The following CYP4F11 variants were observed in gnomAD, a reference collection of about 807,000 sequenced individuals.
CYP4F11 encodes the protein cytochrome P450 family 4 subfamily F member 11.
In CYP4F11, 79 loss-of-function variants were observed where a neutral mutation model predicts 62.2. The observed-to-expected ratio is 1.27, with a 90% CI of 1.06 to 1.53. The LOEUF is 1.53. Ranked by LOEUF, CYP4F11 falls within the 40% of genes most tolerant of loss-of-function variation. The pLI is 0.00. For missense variants in CYP4F11, 777 were observed against 680.5 expected, an observed-to-expected ratio of 1.14 and a Z score of -1.58; for synonymous variants, 290 against 263.7, an observed-to-expected ratio of 1.10 and a Z score of -0.97.
At chr19:15,924,226 T>A (rs1031452144) in intron 5 of CYP4F11, 144 bp from the exon 6 acceptor site, 3 of 1,060,022 alleles carry the variant, frequency 2.8e-6, no homozygotes, top group Non-Finnish European at 4.0e-6. Flanking sequence ...CTCTGAGGCA[T>A]TCCATCTCTG....
At chr19:15,923,719 C>T (rs1362902339) in intron 6 of CYP4F11, 93 bp downstream of exon 6, 1 of 1,497,212 alleles carries the variant, frequency 6.7e-7, no homozygotes, top group African/African-American at 1.4e-5. Context: ...TCCATGGCTC[C>T]CAGTGCCCTT....
intron 6 of CYP4F11, 148 bp from the exon 7 acceptor site, chr19:15,922,578 C>A: frequency 1.3e-6 from 1 of 780,632 alleles, no homozygotes; most frequent in African/African-American, 1.7e-5. Flanking sequence ...TGGTCACCAC[C>A]ATCAGAGCCC....
intron 4 of CYP4F11, 110 bp downstream of exon 4, chr19:15,927,102 C>A: frequency 7.7e-7 from 1 of 1,291,828 alleles, no homozygotes; most frequent in South Asian, 1.5e-5. Context: ...AACCAAGGCT[C>A]AGAGAGGAAG....
chr19:15,918,915 T>G (rs2089601583), intron 8 of CYP4F11, among the ~76,000 whole-genome samples: 1 of 142,080 alleles, frequency 7.0e-6, no homozygotes, highest in Admixed American at 7.2e-5. Flanking sequence ...AAATAAAATA[T>G]GGAATGTTAT....
rs1568257575 is a variant in CYP4F11 at position 15,931,633 on chromosome 19, TGAGTGAGCGAGGAGAGGAATGAGTGAGC to T, written c.199-2060_199-2033del. ...AGGAATGAGTGAGCGAGGAGAGGAA[TGAGTGAGCGAGGAGAGGAATGAGTGAGC>T]GAGGAGAGGAATGAGTGAGCGAGGA... is the stretch of plus-strand genomic sequence containing the variant. On this transcript the variant is annotated intron_variant, in intron 1 of 11. Coordinates refer to ENST00000402119, the MANE Select transcript of CYP4F11 (RefSeq NM_021187.4). 3.5e-4 allele frequency among the ~76,000 whole-genome samples: 21 copies of T among 60,394 alleles called. 2 individuals are homozygous for T. The highest frequency in any genetic ancestry group is 2.1e-3 in the East Asian group (4 of 1,868). 39.6% of individuals were successfully genotyped at this position (60,394 alleles called of 152,430 possible).
intron 1 of CYP4F11, among the ~76,000 whole-genome samples, chr19:15,930,911 C>A (rs2089709174): frequency 6.6e-6 from 1 of 152,210 alleles, no homozygotes; most frequent in Admixed American, 6.5e-5. Flanking sequence ...GTAAGCACCT[C>A]CTGCAGGCCA....
At position 15,929,373 on chromosome 19, in the gene CYP4F11, G is replaced by A. The variant is rs560592312; in HGVS notation, c.343+84C>T. On this transcript the variant is annotated intron_variant, in intron 2 of 11. Coordinates refer to ENST00000402119, the MANE Select transcript of CYP4F11 (RefSeq NM_021187.4). ...GAAGAGGGGCCTGGGCCCTGCAGGG[G>A]CCACACAGAAGCTTGGGGAGGGGAG... 1.9e-6 allele frequency: 3 copies of A among 1,573,362 alleles called. No homozygotes were observed. In the African/African-American group the frequency reaches 4.1e-5, roughly 21 times the overall value.
chr19:15,934,159 C>G, intron 1 of CYP4F11, 52 bp downstream of exon 1: 2 of 1,597,432 alleles, frequency 1.3e-6, no homozygotes, highest in Admixed American at 1.7e-5. Context: ...TCCTGCCCCT[C>G]AGGAACTCCA....
intron 1 of CYP4F11, 29 bp downstream of exon 1, chr19:15,934,182 C>T: frequency 1.9e-6 from 3 of 1,611,908 alleles, no homozygotes; most frequent in East Asian, 4.5e-5. Context: ...CATCCTGAGA[C>T]CCCAGACCCG....
chr19:15,917,081 A>G (rs2089589031), intron 8 of CYP4F11, among the ~76,000 whole-genome samples: 1 of 152,214 alleles, frequency 6.6e-6, no homozygotes, highest in Admixed American at 6.5e-5. Context: ...ACCATAGAAT[A>G]CTACTCAGCC....
At chr19:15,918,458 T>A (rs746357354) in intron 8 of CYP4F11, among the ~76,000 whole-genome samples, 1 of 152,130 alleles carries the variant, frequency 6.6e-6, no homozygotes, top group Non-Finnish European at 1.5e-5. Flanking sequence ...ATAATAATAA[T>A]AATGTAATAC....
chr19:15,933,905 C>CAGAGGAATGAGTGAGCGGGG (rs1171107833), intron 1 of CYP4F11, among the ~76,000 whole-genome samples: 1,112 of 10,782 alleles, frequency 0.1, 470 homozygotes, highest in East Asian at 0.26. Flanking sequence ...AGTGAGTGGG[C>CAGAGGAATGAGTGAGCGGGG]AGAGGAATGA....
intron 4 of CYP4F11, among the ~76,000 whole-genome samples, chr19:15,926,443 T>C (rs10854152): frequency 0.39 from 59,085 of 151,916 alleles, 12,682 homozygotes; most frequent in Non-Finnish European, 0.48. Context: ...CCTAAGCACT[T>C]CACAAAATCC....
At chr19:15,927,591 A>T (rs946405659) in intron 2 of CYP4F11, 108 bp from the exon 3 acceptor site, 2 of 1,459,414 alleles carry the variant, frequency 1.4e-6, no homozygotes, top group African/African-American at 2.8e-5. Context: ...CATCCCACCC[A>T]GCATAGCAGG....
intron 1 of CYP4F11, among the ~76,000 whole-genome samples, chr19:15,933,845 G>GAGAGGAATGAGTGAGTGAGC (rs2089750563): frequency 2.8e-5 from 1 of 35,214 alleles, no homozygotes; most frequent in Non-Finnish European, 6.0e-5. Flanking sequence ...AGTGAGTGAG[G>GAGAGGAATGAGTGAGTGAGC]AGAGGAATGA....
chr19:15,927,150 G>A lies in CYP4F11; in HGVS notation c.525+62C>T. On this transcript the variant is annotated intron_variant, in intron 4 of 11. Coordinates refer to ENST00000402119, the MANE Select transcript of CYP4F11 (RefSeq NM_021187.4). ...AAAGCACAACCAAAATTCCAGAGCAGATATGCCTGTGGTCCCTCTACCCCA... is the reference window on the plus strand; with the variant it reads ...AAAGCACAACCAAAATTCCAGAGCAAATATGCCTGTGGTCCCTCTACCCCA... 1.9e-6 allele frequency: 3 copies of A among 1,576,848 alleles called. 1 individual carries two copies. The South Asian group carries it at 3.5e-5, about 18-fold the overall frequency.
chr19:15,918,264 C>A (rs977826198), intron 8 of CYP4F11, among the ~76,000 whole-genome samples: 27 of 151,986 alleles, frequency 1.8e-4, no homozygotes, highest in Non-Finnish European at 3.4e-4. Context: ...TGGTGGGGAA[C>A]AACACACTCT....
chr19:15,913,554 A>C lies in CYP4F11; in HGVS notation c.*178T>G. 1 of 738,752 alleles carries C rather than the reference A, an allele frequency of 1.4e-6. No homozygotes were observed. The highest frequency in any genetic ancestry group is 2.2e-6 in the Non-Finnish European group (1 of 457,570). The allele number at this position is 738,752 out of a possible 1,614,324, so 45.8% of individuals were successfully genotyped here. On this transcript the variant is annotated 3_prime_UTR_variant, in exon 12 of 12. Coordinates refer to ENST00000402119, the MANE Select transcript of CYP4F11 (RefSeq NM_021187.4). ...GCCTAGATGCCCTGTGCTCAGCCAG[A>C]GAGGCCGTCAGGGTTTTGGGTTCAG...
At chr19:15,920,621 C>T (rs1241581123) in intron 8 of CYP4F11, among the ~76,000 whole-genome samples, 1 of 152,140 alleles carries the variant, frequency 6.6e-6, no homozygotes, top group African/African-American at 2.4e-5. Context: ...CTCAATGTCT[C>T]CTCTCCATCC....
Sources: gnomAD v4.1 joint callset for allele counts (sites outside exome capture counted in the v4.1 genomes callset) on GRCh38, gnomAD v4.1.1 for gene constraint, MANE v1.5 for transcripts, NCBI Gene and HGNC (gene_info 2026-07-23, HGNC 2026-07-21) for gene names.